ST3GAL3: variants seen among roughly 807,000 people sequenced by gnomAD.
ST3GAL3 encodes ST3 beta-galactoside alpha-2,3-sialyltransferase 3, also known as CMP-N-acetylneuraminate-beta-1,4-galactoside alpha-2,3-sialyltransferase.
A neutral mutation model predicts 50.1 loss-of-function variants in ST3GAL3; 21 were observed. That is an observed-to-expected ratio of 0.42 (90% confidence interval 0.30 to 0.60). ST3GAL3 has a LOEUF of 0.60. ST3GAL3 is among the 20% of genes least tolerant of loss of function. ST3GAL3 has a pLI of 0.19. For missense variants in ST3GAL3, 353 were observed against 489.4 expected (o/e 0.72, Z 2.63); for synonymous variants, 183 against 190.0 (o/e 0.96, Z 0.30).
At chr1:43,748,027 C>G (rs1043471228) in intron 2 of ST3GAL3, among the ~76,000 whole-genome samples, 1 of 152,122 alleles carries the variant, frequency 6.6e-6, no homozygotes, top group Non-Finnish European at 1.5e-5. Context: ...TGTCCAGGAA[C>G]CCACTAAGAG....
rs565311299 is a variant in ST3GAL3 at position 43,717,953 on chromosome 1, A to G, written c.-31+10260A>G. 2.6e-5 allele frequency among the ~76,000 whole-genome samples: 4 copies of G among 151,478 alleles called. No homozygotes were observed. In the East Asian group the frequency reaches 5.8e-4, roughly 22 times the overall value. ...AATGGCATGACCTTGGCTTACTGCA[A>G]CCTCCACCTCCCGGGTTCAAGCGAT... On this transcript the variant is annotated intron_variant, in intron 1 of 11. Coordinates refer to ENST00000347631, the MANE Select transcript of ST3GAL3 (RefSeq NM_006279.5).
chr1:43,709,801 C>T lies in ST3GAL3; in HGVS notation c.-31+2108C>T, dbSNP rs143063462. On this transcript the variant is annotated intron_variant, in intron 1 of 11. Coordinates refer to ENST00000347631, the MANE Select transcript of ST3GAL3 (RefSeq NM_006279.5). ...GGTGGAGGTTGCAATGAGCCGAGAT[C>T]GCGCCAGTGCACTCCAGACTGGGCA... 9.4e-3 allele frequency among the ~76,000 whole-genome samples: 1,431 copies of T among 152,038 alleles called. 19 individuals carry two copies. Among genetic ancestry groups the T allele is most frequent in the African/African-American group, 0.033 (1,368 of 41,474 alleles).
intron 9 of ST3GAL3, chr1:43,911,771 T>C (rs1211938295): frequency 6.6e-6 from 1 of 151,616 alleles, no homozygotes. Flanking sequence ...CACTGCAGCC[T>C]CTGCCTTCTG....
chr1:43,921,433 C>T (rs2083026427), intron 11 of ST3GAL3: 1 of 408,294 alleles, frequency 2.4e-6, no homozygotes, highest in African/African-American at 2.0e-5. Flanking sequence ...TGGCATTTCT[C>T]CCTCCCTAGC....
intron 1 of ST3GAL3, 39 bp from the exon 2 acceptor site, chr1:43,736,187 AAGATGAG>A: frequency 6.5e-7 from 1 of 1,531,148 alleles, no homozygotes; most frequent in Non-Finnish European, 9.0e-7. Context: ...ATATATCAAT[AAGATGAG>A]TGCTTTGTCT....
At chr1:43,915,706 G>T (rs924791946) in intron 9 of ST3GAL3, among the ~76,000 whole-genome samples, 4 of 152,200 alleles carry the variant, frequency 2.6e-5, no homozygotes, top group Non-Finnish European at 4.4e-5. Flanking sequence ...AGCAAGTGGG[G>T]ACTTCAGATG....
chr1:43,745,740 T>C (rs1683357361), intron 2 of ST3GAL3, among the ~76,000 whole-genome samples: 1 of 152,218 alleles, frequency 6.6e-6, no homozygotes, highest in Admixed American at 6.5e-5. Context: ...GCAATTCTCA[T>C]GCCTCAGCCT....
At chr1:43,902,957 G>A (rs905248665) in intron 9 of ST3GAL3, among the ~76,000 whole-genome samples, 10 of 152,212 alleles carry the variant, frequency 6.6e-5, no homozygotes, top group African/African-American at 2.2e-4. Flanking sequence ...ACAGTACAGT[G>A]TGGAGGCTGC....
At position 43,920,921 on chromosome 1, in the gene ST3GAL3, T is replaced by C; in HGVS notation, c.1031T>C (p.Ile344Thr). ...HYYETVRMAA[I>T]KESWTHNIQR... ...TATGAGACCGTTCGCATGGCAGCCA[T>C]CAAAGAGGTTCGGGGCTGGGTATGG... is the stretch of plus-strand genomic sequence containing the variant. Residue 344 changes from isoleucine (I) to threonine (T), a missense_variant, in exon 11 of 12, where the codon ATC (isoleucine) becomes ACC (threonine). By Grantham distance (89) the Ile-to-Thr change is moderately conservative. Coordinates refer to ENST00000347631, the MANE Select transcript of ST3GAL3 (RefSeq NM_006279.5). 7 of 1,611,534 alleles carry C rather than the reference T, an allele frequency of 4.3e-6. No homozygotes were observed. Among genetic ancestry groups the C allele is most frequent in the Non-Finnish European group, 5.9e-6 (7 of 1,178,766 alleles).
intron 11 of ST3GAL3, among the ~76,000 whole-genome samples, chr1:43,928,967 C>T (rs1479767797): frequency 2.0e-5 from 3 of 152,112 alleles, no homozygotes; most frequent in Admixed American, 6.6e-5. Flanking sequence ...TGCTGACAAA[C>T]GCAACAGAGA....
intron 1 of ST3GAL3, chr1:43,707,975 C>T (rs983289708): frequency 3.3e-5 from 5 of 152,316 alleles, no homozygotes; most frequent in African/African-American, 1.2e-4. Flanking sequence ...GTGTGAAACC[C>T]CGCAGCGCTG....
chr1:43,876,920 A>AT (rs1221735370), intron 5 of ST3GAL3, among the ~76,000 whole-genome samples: 1 of 152,232 alleles, frequency 6.6e-6, no homozygotes, highest in African/African-American at 2.4e-5. Context: ...AGGCATGGTG[A>AT]TAAAACTGTC....
At chr1:43,748,308 A>G (rs1419229995) in intron 2 of ST3GAL3, among the ~76,000 whole-genome samples, 2 of 152,172 alleles carry the variant, frequency 1.3e-5, no homozygotes, top group Non-Finnish European at 2.9e-5. Flanking sequence ...TGAAAACTAT[A>G]AAAATACTGC....
intron 1 of ST3GAL3, among the ~76,000 whole-genome samples, chr1:43,712,164 A>G (rs893033542): frequency 6.6e-6 from 1 of 152,256 alleles, no homozygotes; most frequent in African/African-American, 2.4e-5. Flanking sequence ...TAAACAAGTC[A>G]GTTCATGTAA....
intron 5 of ST3GAL3, among the ~76,000 whole-genome samples, chr1:43,874,528 GA>G (rs956002746): frequency 3.3e-5 from 5 of 152,314 alleles, no homozygotes; most frequent in East Asian, 1.9e-4. Context: ...CCTTAAAAAA[GA>G]AGAGAGAAGG....
At chr1:43,764,143 T>C (rs1691642003) in intron 2 of ST3GAL3, among the ~76,000 whole-genome samples, 1 of 152,204 alleles carries the variant, frequency 6.6e-6, no homozygotes, top group Non-Finnish European at 1.5e-5. Context: ...TTAATAACTT[T>C]TATGTAGCTC....
chr1:43,865,863 G>A (rs532950963), intron 5 of ST3GAL3, among the ~76,000 whole-genome samples: 76 of 152,342 alleles, frequency 5.0e-4, no homozygotes, highest in Non-Finnish European at 9.7e-4. Flanking sequence ...AGGTTGAAAA[G>A]TAGTCTTTCT....
At chr1:43,778,365 C>T (rs1483921754) in intron 2 of ST3GAL3, among the ~76,000 whole-genome samples, 1 of 152,154 alleles carries the variant, frequency 6.6e-6, no homozygotes, top group Non-Finnish European at 1.5e-5. Flanking sequence ...GTCACCATGG[C>T]ACACATTTAC....
chr1:43,777,824 T>G (rs1032472681), intron 2 of ST3GAL3, among the ~76,000 whole-genome samples: 1 of 152,164 alleles, frequency 6.6e-6, no homozygotes, highest in Non-Finnish European at 1.5e-5. Context: ...ATAGATAAAC[T>G]ACAGAATGGG....
Sources: allele counts gnomAD v4.1 joint callset (sites outside exome capture counted in the v4.1 genomes callset), GRCh38; gene constraint gnomAD v4.1.1; transcripts MANE v1.5; gene names NCBI Gene and HGNC (gene_info 2026-07-23, HGNC 2026-07-21).